PRKG1: variants seen among roughly 807,000 people sequenced by gnomAD.
PRKG1 encodes the protein cGMP-dependent protein kinase 1.
A neutral mutation model predicts 88.1 loss-of-function variants in PRKG1; 35 were observed. The observed-to-expected ratio is 0.40, with a 90% CI of 0.30 to 0.53. PRKG1 has a LOEUF of 0.53. PRKG1 is among the 20% of genes least tolerant of loss of function. PRKG1 has a pLI of 0.59. For missense variants in PRKG1, 540 were observed against 839.8 expected, an observed-to-expected ratio of 0.64 and a Z score of 4.41; for synonymous variants, 303 against 292.5, an observed-to-expected ratio of 1.04 and a Z score of -0.37.
chr10:51,979,748 C>T (rs1843957472), intron 5 of PRKG1, among the ~76,000 whole-genome samples: 1 of 150,728 alleles, frequency 6.6e-6, no homozygotes, highest in East Asian at 2.0e-4. Flanking sequence ...AAAAAATTTT[C>T]CCATTTCTTC....
intron 3 of PRKG1, among the ~76,000 whole-genome samples, chr10:51,676,915 T>C (rs1840725324): frequency 6.6e-6 from 1 of 152,212 alleles, no homozygotes; most frequent in Non-Finnish European, 1.5e-5. Context: ...TTTATTAAAA[T>C]ATGACATGAT....
At chr10:51,354,300 A>G (rs1842317458) in intron 2 of PRKG1, among the ~76,000 whole-genome samples, 1 of 152,044 alleles carries the variant, frequency 6.6e-6, no homozygotes, top group East Asian at 1.9e-4. Context: ...AAAATAACTA[A>G]AAGAGTATAA....
chr10:51,678,435 ACAC>A, intron 3 of PRKG1, among the ~76,000 whole-genome samples: 1 of 152,192 alleles, frequency 6.6e-6, no homozygotes. Context: ...TTCTTAGCAT[ACAC>A]CACCACCCTA....
At chr10:52,051,482 T>C (rs940152694) in intron 5 of PRKG1, among the ~76,000 whole-genome samples, 5 of 152,196 alleles carry the variant, frequency 3.3e-5, no homozygotes, top group Non-Finnish European at 7.3e-5. Context: ...TGTACTTATA[T>C]ACAGGAAAGC....
intron 3 of PRKG1, among the ~76,000 whole-genome samples, chr10:51,717,250 T>C (rs1398012069): frequency 2.7e-4 from 41 of 152,178 alleles, no homozygotes; most frequent in Non-Finnish European, 2.9e-5. Context: ...TCTCCACCTT[T>C]TTTGTCTGGT....
chr10:51,470,140 A>G (rs541382988), intron 3 of PRKG1, among the ~76,000 whole-genome samples: 2 of 151,932 alleles, frequency 1.3e-5, no homozygotes, highest in South Asian at 2.1e-4. Flanking sequence ...CAAAATGACT[A>G]TGTAATATAA....
chr10:51,819,079 G>A (rs1254255467), intron 4 of PRKG1, among the ~76,000 whole-genome samples: 1 of 142,618 alleles, frequency 7.0e-6, no homozygotes, highest in Non-Finnish European at 1.5e-5. Flanking sequence ...AAAGAAAAGA[G>A]GTTTATTTGA....
chr10:51,207,477 T>A (rs1457762054), intron 2 of PRKG1, among the ~76,000 whole-genome samples: 2 of 152,162 alleles, frequency 1.3e-5, no homozygotes, highest in Admixed American at 1.3e-4. Context: ...ACATTTGTGG[T>A]TACCTCGCTG....
At chr10:51,656,948 C>G (rs976023936) in intron 3 of PRKG1, among the ~76,000 whole-genome samples, 2 of 152,104 alleles carry the variant, frequency 1.3e-5, no homozygotes, top group African/African-American at 4.8e-5. Context: ...TGACTTGGCA[C>G]TGTGTGGCCT....
At position 52,165,754 on chromosome 10, in the gene PRKG1, G is replaced by A. The variant is rs10824184; in HGVS notation, c.1076+3791G>A. ...GAAGCGAAAAAAAGTAGGACTGACT[G>A]TAAAGATTGATTAAGTTGAGGCATT... is the stretch of plus-strand genomic sequence containing the variant. On this transcript the variant is annotated intron_variant, in intron 9 of 17. Coordinates refer to ENST00000373980, the MANE Select transcript of PRKG1 (RefSeq NM_006258.4). Among the ~76,000 whole-genome samples, 1,050 of 152,312 alleles carry A rather than the reference G, an allele frequency of 6.9e-3. 39 individuals carry two copies. The highest frequency in any genetic ancestry group is 0.055 in the Admixed American group (835 of 15,300).
At chr10:51,935,830 A>G (rs1397938103) in intron 5 of PRKG1, among the ~76,000 whole-genome samples, 2 of 152,124 alleles carry the variant, frequency 1.3e-5, no homozygotes, top group African/African-American at 2.4e-5. Context: ...GGTATTCACC[A>G]CAGTGAAGTA....
chr10:51,121,660 A>C (rs185808562), intron 1 of PRKG1, among the ~76,000 whole-genome samples: 18 of 152,298 alleles, frequency 1.2e-4, no homozygotes, highest in Admixed American at 3.9e-4. Context: ...AAGGCCACCC[A>C]GCTAGTAAGT....
chr10:52,137,699 T>C (rs1022677883), intron 8 of PRKG1, among the ~76,000 whole-genome samples: 1 of 152,128 alleles, frequency 6.6e-6, no homozygotes, highest in African/African-American at 2.4e-5. Flanking sequence ...CTATATTGTT[T>C]AGGAAATTAC....
intron 5 of PRKG1, among the ~76,000 whole-genome samples, chr10:51,970,050 A>ACCCC (rs1554862169): frequency 4.5e-5 from 6 of 133,470 alleles, no homozygotes; most frequent in African/African-American, 9.5e-5. Flanking sequence ...ACACACACAC[A>ACCCC]CCCATATTTA....
chr10:51,268,205 G>T (rs1427826218), intron 2 of PRKG1, among the ~76,000 whole-genome samples: 1 of 152,164 alleles, frequency 6.6e-6, no homozygotes, highest in East Asian at 1.9e-4. Context: ...GGCAGGGCGA[G>T]ATCACAGGAC....
intron 2 of PRKG1, among the ~76,000 whole-genome samples, chr10:51,158,165 T>C (rs893715237): frequency 1.3e-5 from 2 of 151,962 alleles, no homozygotes; most frequent in Non-Finnish European, 2.9e-5. Context: ...TAGTTAATTA[T>C]ATGCCATGTA....
At position 51,112,466 on chromosome 10, in the gene PRKG1, C is replaced by A. The variant is rs938859015; in HGVS notation, c.311+37565C>A. Among the ~76,000 whole-genome samples the A allele has an allele frequency of 5.3e-5, 8 of 152,172 alleles. No individual in the cohort carries two copies. In the East Asian group the frequency reaches 1.5e-3, roughly 29 times the overall value. On this transcript the variant is annotated intron_variant, in intron 1 of 17. Coordinates refer to ENST00000373980, the MANE Select transcript of PRKG1 (RefSeq NM_006258.4). ...CTAAAAATAAATATTATATATAATA[C>A]AGATCTTGCCAGATTTTATCATCCT...
Position 51,684,152 on chromosome 10 carries a change from G to T in PRKG1, c.593-120433G>T, listed in dbSNP as rs77996355. The stretch of plus-strand genomic sequence containing the variant: ...ACTGGTGAATGAATAAATAAAATGT[G>T]GTATATTCATACAAAAGAATACTAA... On this transcript the variant is annotated intron_variant, in intron 3 of 17. Coordinates refer to ENST00000373980, the MANE Select transcript of PRKG1 (RefSeq NM_006258.4). 9.6e-3 allele frequency among the ~76,000 whole-genome samples: 1,453 copies of T among 151,972 alleles called. 19 individuals carry two copies. Among genetic ancestry groups the T allele is most frequent in the Middle Eastern group, 0.037 (11 of 294 alleles).
At chr10:52,125,401 A>G (rs1427862426) in intron 7 of PRKG1, among the ~76,000 whole-genome samples, 1 of 152,188 alleles carries the variant, frequency 6.6e-6, no homozygotes, top group Non-Finnish European at 1.5e-5. Context: ...TAATGTCCTT[A>G]CAAAAGTTGT....
Sources: gnomAD v4.1 joint callset for allele counts (sites outside exome capture counted in the v4.1 genomes callset) on GRCh38, gnomAD v4.1.1 for gene constraint, MANE v1.5 for transcripts, NCBI Gene and HGNC (gene_info 2026-07-23, HGNC 2026-07-21) for gene names.